The following RBFOX1 variants were observed in gnomAD, a reference collection of about 807,000 sequenced individuals.
RBFOX1 encodes the protein RNA binding protein fox-1 homolog 1.
Under a neutral mutation model 57.7 loss-of-function variants are expected in RBFOX1, and 8 were observed. That is an observed-to-expected ratio of 0.14 (90% CI 0.08 to 0.25). The LOEUF is 0.25. Ranked by LOEUF, RBFOX1 falls within the 10% of genes least tolerant of loss-of-function variation. RBFOX1 has a pLI of 1.00. For synonymous variants in RBFOX1, 326 were observed against 222.4 expected, an observed-to-expected ratio of 1.47 and a Z score of -4.15; for missense variants, 611 against 548.5, an observed-to-expected ratio of 1.11 and a Z score of -1.14.
At chr16:5,695,035 G>T (rs2050806009) in intron 3 of RBFOX1, among the ~76,000 whole-genome samples, 1 of 151,930 alleles carries the variant, frequency 6.6e-6, no homozygotes, top group Non-Finnish European at 1.5e-5. Flanking sequence ...TGCGACTTGA[G>T]ATTACCAAGA....
At chr16:7,386,354 A>C (rs1597134569) in intron 4 of RBFOX1, among the ~76,000 whole-genome samples, 2 of 151,984 alleles carry the variant, frequency 1.3e-5, no homozygotes, top group African/African-American at 2.4e-5. Flanking sequence ...TCTACATTAG[A>C]TATTTCTCCT....
At chr16:5,710,194 G>T (rs1216327997) in intron 3 of RBFOX1, among the ~76,000 whole-genome samples, 2 of 152,030 alleles carry the variant, frequency 1.3e-5, no homozygotes, top group African/African-American at 4.8e-5. Context: ...TATGACAGTG[G>T]ATAGGGTCCT....
rs997694837 is a variant in RBFOX1 at position 6,490,555 on chromosome 16, C to G, written c.-63-164048C>G. Among the ~76,000 whole-genome samples the G allele has an allele frequency of 3.9e-5, 6 of 152,212 alleles. No individual in the cohort carries two copies. The South Asian group carries it at 6.2e-4, about 16-fold the overall frequency. Reference sequence around the variant, plus strand: ...AGTGTTAGGCATAGGTATCTGCTTACTATTTATTGCCCTGCAGAAAGCTCA... The same window carrying G: ...AGTGTTAGGCATAGGTATCTGCTTAGTATTTATTGCCCTGCAGAAAGCTCA... On this transcript the variant is annotated intron_variant, in intron 2 of 15. Transcript: ENST00000550418.
At chr16:7,364,418 A>AT (rs1457706030) in intron 4 of RBFOX1, among the ~76,000 whole-genome samples, 1 of 152,072 alleles carries the variant, frequency 6.6e-6, no homozygotes, top group Non-Finnish European at 1.5e-5. Flanking sequence ...AGATGCTAGC[A>AT]TTTTTTTGTG....
At chr16:7,539,706 C>G (rs981720086) in intron 5 of RBFOX1, among the ~76,000 whole-genome samples, 1 of 152,134 alleles carries the variant, frequency 6.6e-6, no homozygotes, top group African/African-American at 2.4e-5. Context: ...GCAGAGTAGT[C>G]TATTGCTTGG....
rs536594181 is a variant in RBFOX1 at position 6,760,256 on chromosome 16, G to T, written c.-16+105606G>T. Among the ~76,000 whole-genome samples, 102 of 152,254 alleles carry T rather than the reference G, an allele frequency of 6.7e-4. 1 individual carries two copies. The South Asian group carries it at 7.5e-3, about 11-fold the overall frequency. ...TTTAAGCAGGAAACAAATTGCAAAT[G>T]GTTTAAAAAGGCAATTGCTTTAAAG... On this transcript the variant is annotated intron_variant, in intron 3 of 15. Transcript: ENST00000550418.
chr16:7,488,600 G>A (rs928611566), intron 4 of RBFOX1, among the ~76,000 whole-genome samples: 5 of 151,726 alleles, frequency 3.3e-5, no homozygotes, highest in South Asian at 2.1e-4. Context: ...CTATCTATAC[G>A]TTCATCCGTT....
intron 1 of RBFOX1, among the ~76,000 whole-genome samples, chr16:5,278,308 G>A (rs1447233844): frequency 2.0e-5 from 3 of 152,138 alleles, no homozygotes; most frequent in African/African-American, 7.2e-5. Flanking sequence ...CTTCTTCTGA[G>A]TAATGTCTAT....
At chr16:6,379,357 C>T (rs1252509935) in intron 2 of RBFOX1, among the ~76,000 whole-genome samples, 1 of 152,080 alleles carries the variant, frequency 6.6e-6, no homozygotes, top group African/African-American at 2.4e-5. Context: ...CCCAGTTAGC[C>T]AGGATATTCC....
chr16:5,531,232 T>C (rs1425819430), intron 2 of RBFOX1, among the ~76,000 whole-genome samples: 1 of 152,162 alleles, frequency 6.6e-6, no homozygotes, highest in East Asian at 1.9e-4. Flanking sequence ...CCTCAGGCAC[T>C]CTGGGGTGGG....
rs1303621980 is a variant in RBFOX1 at position 5,956,670 on chromosome 16, A to ATTTTTTTTT, written c.351+89336_351+89337insTTTTTTTTT. On this transcript the variant is annotated intron_variant, in intron 4 of 19. Coordinates refer to the RBFOX1 transcript ENST00000641259. ...TATATATATATATTTATATATATATATATATATATTTTTTTTGAGGCACAG... is the reference window on the plus strand; with the variant it reads ...TATATATATATATTTATATATATATATTTTTTTTTTATATATATTTTTTTTGAGGCACAG... Among the ~76,000 whole-genome samples the ATTTTTTTTT allele has an allele frequency of 5.5e-4, 25 of 45,810 alleles. 2 individuals are homozygous for ATTTTTTTTT. The East Asian group carries it at 9.5e-3, about 17-fold the overall frequency. 30.1% of individuals were successfully genotyped at this position (45,810 alleles called of 152,430 possible).
At chr16:6,779,623 T>A (rs1340949402) in intron 3 of RBFOX1, among the ~76,000 whole-genome samples, 8 of 146,344 alleles carry the variant, frequency 5.5e-5, no homozygotes, top group Non-Finnish European at 1.0e-4. Context: ...CTAACTTACG[T>A]TCCCACCAAT....
At chr16:7,118,489 C>T (rs149175961) in intron 4 of RBFOX1, among the ~76,000 whole-genome samples, 57 of 152,210 alleles carry the variant, frequency 3.7e-4, no homozygotes, top group African/African-American at 1.3e-3. Flanking sequence ...GTATGCAATT[C>T]AGTTGACAGG....
intron 3 of RBFOX1, chr16:7,003,869 T>G (rs78462917): frequency 6.6e-6 from 1 of 152,292 alleles, no homozygotes; most frequent in East Asian, 1.9e-4. Flanking sequence ...TTCAGATGAT[T>G]GGTTATTTGG....
chr16:5,935,841 G>T (rs550371783), intron 4 of RBFOX1, among the ~76,000 whole-genome samples: 1 of 152,260 alleles, frequency 6.6e-6, no homozygotes, highest in South Asian at 2.1e-4. Context: ...GGGTGGTCAT[G>T]GTTCTAAATG....
chr16:5,755,517 A>C (rs1015864219), intron 3 of RBFOX1, among the ~76,000 whole-genome samples: 1 of 152,210 alleles, frequency 6.6e-6, no homozygotes, highest in African/African-American at 2.4e-5. Context: ...CTGTGACTTA[A>C]AGGGCCTTGG....
At chr16:7,103,083 A>G (rs934303189) in intron 4 of RBFOX1, among the ~76,000 whole-genome samples, 2 of 151,974 alleles carry the variant, frequency 1.3e-5, no homozygotes, top group Non-Finnish European at 2.9e-5. Flanking sequence ...AAAAAAAAAA[A>G]TGCAACACTC....
intron 2 of RBFOX1, among the ~76,000 whole-genome samples, chr16:6,605,121 C>G (rs1188611919): frequency 6.6e-6 from 1 of 152,118 alleles, no homozygotes; most frequent in Non-Finnish European, 1.5e-5. Context: ...CACCTGTAGT[C>G]TCAGCTACTC....
At chr16:6,654,820 C>A (rs796911028) in intron 3 of RBFOX1, among the ~76,000 whole-genome samples, 170 bp downstream of exon 3, 4 of 152,222 alleles carry the variant, frequency 2.6e-5, no homozygotes, top group African/African-American at 9.6e-5. Flanking sequence ...TACTCCTTTA[C>A]AATCTGTGTT....
Sources: allele counts gnomAD v4.1 joint callset (sites outside exome capture counted in the v4.1 genomes callset), GRCh38; gene constraint gnomAD v4.1.1; transcripts MANE v1.5; gene names NCBI Gene and HGNC (gene_info 2026-07-23, HGNC 2026-07-21).